The following MSH3 variants were observed in gnomAD, a reference collection of about 807,000 sequenced individuals.
MSH3 encodes DNA mismatch repair protein Msh3.
In MSH3, 106 loss-of-function variants were observed where a neutral mutation model predicts 123.3. That is an observed-to-expected ratio of 0.86 (90% CI 0.73 to 1.01). The LOEUF is 1.01. Among genes scored for constraint, MSH3 ranks in the 50% least tolerant of loss-of-function variants. The pLI, the probability that MSH3 is intolerant of heterozygous loss-of-function variation, is 0.00. For synonymous variants in MSH3, 515 were observed against 481.4 expected (o/e 1.07, Z -0.91); for missense variants, 1,459 against 1,347.6 (o/e 1.08, Z -1.29).
rs1561445124 is a variant in MSH3, at chr5:80,692,579, GA to G, written c.1340+13487del. On this transcript the variant is annotated intron_variant, in intron 8 of 23. Coordinates refer to ENST00000265081, the MANE Select transcript of MSH3 (RefSeq NM_002439.5). Reference sequence around the variant, plus strand: ...AGATAAACATGTATATGTTTATATAGAGAGATAAACATGTATATGTTTATAT... The same window carrying G: ...AGATAAACATGTATATGTTTATATAGGAGATAAACATGTATATGTTTATAT... Among the ~76,000 whole-genome samples the G allele has an allele frequency of 9.2e-5, 8 of 86,952 alleles. 1 individual carries two copies. The highest frequency in any genetic ancestry group is 3.0e-4 in the African/African-American group (8 of 27,004). The allele number at this position is 86,952 out of a possible 152,430, so 57.0% of individuals were successfully genotyped here. A position where few individuals can be genotyped will look rare whatever the true frequency, so the allele number is the denominator to read the frequency against.
chr5:80,832,119 A>G (rs1486401456), intron 20 of MSH3, among the ~76,000 whole-genome samples: 1 of 151,994 alleles, frequency 6.6e-6, no homozygotes, highest in Non-Finnish European at 1.5e-5. Context: ...CAAAAAACAA[A>G]AAAACAAAAA....
At chr5:80,665,591 T>G (rs1749552544) in intron 3 of MSH3, among the ~76,000 whole-genome samples, 1 of 152,206 alleles carries the variant, frequency 6.6e-6, no homozygotes, top group Non-Finnish European at 1.5e-5. Context: ...AACAAAAGCC[T>G]TCCAGGTAAT....
chr5:80,846,854 C>T (rs991270938), intron 20 of MSH3, among the ~76,000 whole-genome samples: 17 of 152,196 alleles, frequency 1.1e-4, no homozygotes, highest in East Asian at 7.7e-4. Flanking sequence ...GGAAATCCCC[C>T]GTCCCCTTGC....
At chr5:80,810,376 C>A (rs1211070595) in intron 19 of MSH3, among the ~76,000 whole-genome samples, 1 of 54,164 alleles carries the variant, frequency 1.8e-5, no homozygotes, top group Non-Finnish European at 4.6e-5. Flanking sequence ...TGAATACATA[C>A]AAACAATATT....
At chr5:80,665,410 T>C in intron 3 of MSH3, 47 bp downstream of exon 3, 1 of 1,435,282 alleles carries the variant, frequency 7.0e-7, no homozygotes, top group African/African-American at 1.4e-5. Context: ...GAATAGTGGG[T>C]TCTGAAGTAC....
chr5:80,675,450 T>A (rs1561438299), intron 7 of MSH3, among the ~76,000 whole-genome samples: 1 of 152,078 alleles, frequency 6.6e-6, no homozygotes, highest in Non-Finnish European at 1.5e-5. Flanking sequence ...TCAGGAAACT[T>A]ACAATCATGG....
chr5:80,756,258 C>G (rs533467000), intron 12 of MSH3, among the ~76,000 whole-genome samples: 1 of 151,938 alleles, frequency 6.6e-6, no homozygotes, highest in South Asian at 2.1e-4. Context: ...GAAAAGAAAA[C>G]AACAACAACA....
At chr5:80,741,709 A>C (rs1347402580) in intron 11 of MSH3, among the ~76,000 whole-genome samples, 161 bp downstream of exon 11, 2 of 152,192 alleles carry the variant, frequency 1.3e-5, no homozygotes, top group African/African-American at 4.8e-5. Flanking sequence ...TGAACTGTAC[A>C]TAATATTTCT....
At chr5:80,774,729 G>A (rs6151811) in intron 15 of MSH3, among the ~76,000 whole-genome samples, 9 of 152,232 alleles carry the variant, frequency 5.9e-5, no homozygotes, top group Middle Eastern at 3.4e-3. Context: ...CAAACTTTGC[G>A]TGTTGTCACT....
rs976201087 is a variant in MSH3, at chr5:80,654,973, T to C, written c.237+9T>C. The C allele has an allele frequency of 2.1e-6, 3 of 1,430,856 alleles. No homozygotes were observed. Among genetic ancestry groups the C allele is most frequent in the African/African-American group, 1.6e-5 (1 of 61,382 alleles). 88.6% of individuals were successfully genotyped at this position (1,430,856 alleles called of 1,614,324 possible). A position where few individuals can be genotyped will look rare whatever the true frequency, so the allele number is the denominator to read the frequency against. On this transcript the variant is annotated intron_variant, in intron 1 of 23. Coordinates refer to ENST00000265081, the MANE Select transcript of MSH3 (RefSeq NM_002439.5). ...AGCTGCCGCCGCACATAGTAGGTTC[T>C]GTCTGGGACTGGGCAGGGCCATCGG...
At chr5:80,749,838 C>A (rs914696776) in intron 12 of MSH3, among the ~76,000 whole-genome samples, 1 of 152,074 alleles carries the variant, frequency 6.6e-6, no homozygotes, top group Non-Finnish European at 1.5e-5. Context: ...AAACTTTGCA[C>A]CAGTTGACCA....
chr5:80,654,902 G>C lies in MSH3; in HGVS notation c.175G>C (p.Ala59Pro), dbSNP rs755472095. 9.8e-6 allele frequency: 15 copies of C among 1,536,920 alleles called. No individual in the cohort carries two copies. The highest frequency in any genetic ancestry group is 1.1e-5 in the Non-Finnish European group (13 of 1,146,968). The stretch of plus-strand genomic sequence containing the variant: ...CGCTGCAGCGGCTGCAGCGGCCGCA[G>C]CGGCCGCAGCGCCCCCAGCGCCCCC... The part of the protein sequence containing the change: ...PGAAAAAAAA[A>P]AAAPPAPPAP... Residue 59 changes from alanine to proline, a missense_variant, in exon 1 of 24, where the codon GCG becomes CCG. Physicochemically the swap from Ala to Pro is conservative, Grantham distance 27. Coordinates refer to ENST00000265081, the MANE Select transcript of MSH3 (RefSeq NM_002439.5).
chr5:80,848,941 G>A (rs1166604831), intron 20 of MSH3, among the ~76,000 whole-genome samples: 1 of 152,108 alleles, frequency 6.6e-6, no homozygotes, highest in Non-Finnish European at 1.5e-5. Context: ...TCTCATCCAG[G>A]ACAAGGCAAG....
chr5:80,794,596 G>C (rs6151855), intron 19 of MSH3, among the ~76,000 whole-genome samples: 1 of 152,144 alleles, frequency 6.6e-6, no homozygotes, highest in African/African-American at 2.4e-5. Context: ...GATATCAAAT[G>C]TGCTGTTTTT....
At position 80,792,812 on chromosome 5, in the gene MSH3, G is replaced by A. The variant is rs146185367; in HGVS notation, c.2623G>A (p.Asp875Asn). 4.3e-5 allele frequency: 69 copies of A among 1,612,326 alleles called. No individual in the cohort carries two copies. The highest frequency in any genetic ancestry group is 5.6e-5 in the Non-Finnish European group (66 of 1,178,656). ...PVIDVLLGEQDQYVPNNTDLS... is the reference protein window; with the variant it reads ...PVIDVLLGEQNQYVPNNTDLS... ...GATTGATGTGTTGCTGGGAGAACAGGATCAATATGTCCCAAATAATACAGA... is the reference window on the plus strand; with the variant it reads ...GATTGATGTGTTGCTGGGAGAACAGAATCAATATGTCCCAAATAATACAGA... The change falls in exon 19 of 24, where the codon GAT becomes AAT. Residue 875 changes from aspartate (D) to asparagine (N), a missense_variant. Physicochemically the swap from Asp to Asn is conservative, Grantham distance 23. Transcript: ENST00000265081.
At chr5:80,846,787 C>T (rs1384421036) in intron 20 of MSH3, among the ~76,000 whole-genome samples, 2 of 152,186 alleles carry the variant, frequency 1.3e-5, no homozygotes, top group African/African-American at 2.4e-5. Context: ...AGTATTTGGT[C>T]AGGAGTGTAC....
At chr5:80,700,762 A>G (rs922476677) in intron 8 of MSH3, among the ~76,000 whole-genome samples, 3 of 152,204 alleles carry the variant, frequency 2.0e-5, no homozygotes, top group African/African-American at 4.8e-5. Context: ...CCTCAGGAAT[A>G]TATCTCCTTG....
chr5:80,735,475 T>C (rs1318025133), intron 10 of MSH3, among the ~76,000 whole-genome samples: 5 of 149,858 alleles, frequency 3.3e-5, no homozygotes. Flanking sequence ...TTGCCTGAGA[T>C]CAGGAGTCCG....
At position 80,875,630 on chromosome 5, in the gene MSH3, C is replaced by T. The variant is rs1746294444; in HGVS notation, c.3303-121C>T. ...CACTGGAAGGGTGACACTGACACAG[C>T]TTCCTAACTATAGAGCCTGCCCGGT... On this transcript the variant is annotated intron_variant, in intron 23 of 23. Coordinates refer to ENST00000265081, the MANE Select transcript of MSH3 (RefSeq NM_002439.5). The T allele has an allele frequency of 7.7e-6, 5 of 649,904 alleles. No homozygotes were observed. In the East Asian group the frequency reaches 1.4e-4, roughly 18 times the overall value. The allele number at this position is 649,904 out of a possible 1,614,324, so 40.3% of individuals were successfully genotyped here.
Sources: gnomAD v4.1 joint callset for allele counts (sites outside exome capture counted in the v4.1 genomes callset) on GRCh38, gnomAD v4.1.1 for gene constraint, MANE v1.5 for transcripts, NCBI Gene and HGNC (gene_info 2026-07-23, HGNC 2026-07-21) for gene names.